Variants in DEPDC1B observed in about 807,000 individuals in gnomAD.
The protein encoded by DEPDC1B is DEP domain-containing protein 1B.
Under a neutral mutation model 66.5 loss-of-function variants are expected in DEPDC1B, and 51 were observed. The ratio of observed to expected loss-of-function variants is 0.77; its 90% CI spans 0.61 to 0.97. DEPDC1B has a LOEUF of 0.97. DEPDC1B is among the 50% of genes least tolerant of loss of function. The pLI is 0.00. For synonymous variants in DEPDC1B, 226 were observed against 223.6 expected (o/e 1.01, Z -0.10); for missense variants, 552 against 637.1 (o/e 0.87, Z 1.44).
intron 3 of DEPDC1B, among the ~76,000 whole-genome samples, chr5:60,646,394 CAA>C (rs1412437822): frequency 1.3e-5 from 2 of 151,992 alleles, no homozygotes; most frequent in African/African-American, 4.8e-5. Context: ...GAGGAAGAGA[CAA>C]AGAGGAAGAA....
intron 2 of DEPDC1B, among the ~76,000 whole-genome samples, chr5:60,668,063 A>T (rs933789150): frequency 1.9e-4 from 19 of 102,080 alleles, no homozygotes; most frequent in Admixed American, 3.1e-4. Context: ...TGGATATTTT[A>T]TATATATATA....
At chr5:60,639,668 T>C (rs1416978664) in intron 6 of DEPDC1B, among the ~76,000 whole-genome samples, 1 of 152,208 alleles carries the variant, frequency 6.6e-6, no homozygotes, top group Non-Finnish European at 1.5e-5. Context: ...AAATGTTCTC[T>C]ACAGAGTTGG....
intron 2 of DEPDC1B, among the ~76,000 whole-genome samples, chr5:60,676,460 T>C (rs1754162923): frequency 6.6e-6 from 1 of 152,132 alleles, no homozygotes; most frequent in South Asian, 2.1e-4. Context: ...CGCATGGCAC[T>C]ATGCCTCGCT....
intron 2 of DEPDC1B, among the ~76,000 whole-genome samples, chr5:60,670,868 C>A (rs1431914481): frequency 6.6e-6 from 1 of 152,148 alleles, no homozygotes; most frequent in African/African-American, 2.4e-5. Flanking sequence ...GGCCAGGGAG[C>A]AGCAGGTGAG....
At chr5:60,619,984 C>T (rs1488013165) in intron 7 of DEPDC1B, among the ~76,000 whole-genome samples, 2 of 152,060 alleles carry the variant, frequency 1.3e-5, no homozygotes, top group Non-Finnish European at 1.5e-5. Context: ...GAAATAATGC[C>T]ACATATCTAC....
intron 7 of DEPDC1B, among the ~76,000 whole-genome samples, chr5:60,615,751 C>T (rs929079617): frequency 4.6e-5 from 7 of 152,232 alleles, no homozygotes; most frequent in African/African-American, 1.4e-4. Context: ...GCAATAACCT[C>T]TGCAGACTTA....
chr5:60,635,987 C>T (rs1396630505), intron 7 of DEPDC1B, among the ~76,000 whole-genome samples: 1 of 152,138 alleles, frequency 6.6e-6, no homozygotes, highest in Non-Finnish European at 1.5e-5. Context: ...ACAGTCTACC[C>T]TGCTCCTGTA....
chr5:60,699,443 GAAAAAAA>G (rs528758437), intron 1 of DEPDC1B, among the ~76,000 whole-genome samples: 4 of 89,380 alleles, frequency 4.5e-5, no homozygotes, highest in Non-Finnish European at 7.9e-5. Context: ...TTTTCTCCCA[GAAAAAAA>G]AAAAAAAAAA....
chr5:60,612,528 CAAAAAAAAAAAAA>C (rs35196065), intron 7 of DEPDC1B, among the ~76,000 whole-genome samples: 1 of 90,236 alleles, frequency 1.1e-5, no homozygotes, highest in African/African-American at 4.7e-5. Context: ...GAGATCTGCT[CAAAAAAAAAAAAA>C]AAAAAAAGAA....
chr5:60,699,651 A>T (rs1226636497), intron 1 of DEPDC1B, among the ~76,000 whole-genome samples: 1 of 152,082 alleles, frequency 6.6e-6, no homozygotes, highest in Non-Finnish European at 1.5e-5. Flanking sequence ...GGAAGGAGAC[A>T]CGCCCTGCCT....
intron 1 of DEPDC1B, 52 bp downstream of exon 1, chr5:60,699,994 T>G: frequency 6.5e-7 from 1 of 1,542,654 alleles, no homozygotes; most frequent in Non-Finnish European, 8.7e-7. Context: ...GCGCGCTGAG[T>G]GGGGGCTCGC....
intron 7 of DEPDC1B, among the ~76,000 whole-genome samples, chr5:60,617,208 G>C (rs926799638): frequency 6.6e-6 from 1 of 152,138 alleles, no homozygotes; most frequent in Non-Finnish European, 1.5e-5. Flanking sequence ...GACCATCGAG[G>C]CTAGGAAGAA....
In DEPDC1B at chr5:60,603,418, C is replaced by T; in HGVS notation, c.1215G>A (p.Glu405=). 6.3e-7 allele frequency: 1 copy of T among 1,594,016 alleles called. No individual in the cohort carries two copies. The highest frequency in any genetic ancestry group is 8.5e-7 in the Non-Finnish European group (1 of 1,173,892). ...GGACTCTTCGTAGATGAGCCACACG[C>T]TCCTCTATAGAGGTCTGCAAGGCCA... is the stretch of plus-strand genomic sequence containing the variant. The part of the protein sequence containing the change: ...VPLALQTSIE[E]RVAHLRRVQI... The change falls in exon 9 of 11, where the codon GAG becomes GAA. Residue 405 remains glutamate (E), a synonymous_variant. Coordinates refer to ENST00000265036, the MANE Select transcript of DEPDC1B (RefSeq NM_018369.3).
At chr5:60,637,950 G>A (rs899974926) in intron 7 of DEPDC1B, among the ~76,000 whole-genome samples, 1 of 152,186 alleles carries the variant, frequency 6.6e-6, no homozygotes, top group Admixed American at 6.5e-5. Flanking sequence ...GAAGGAGGAG[G>A]AGGAAGAGTA....
At position 60,645,633 on chromosome 5, in the gene DEPDC1B, G is replaced by T. The variant is rs1468092715; in HGVS notation, c.451-14C>A. 7.5e-6 allele frequency: 12 copies of T among 1,598,062 alleles called. No individual in the cohort carries two copies. In the South Asian group the frequency reaches 1.0e-4, roughly 14 times the overall value. On this transcript the variant is annotated splice_polypyrimidine_tract_variant and intron_variant, in intron 3 of 10. Transcript: ENST00000265036. ...CATCTCAGAATTCTAATGGAGGGGGGATGTAAGAAGGGAGGGAAGGAGAAA... is the reference window on the plus strand; with the variant it reads ...CATCTCAGAATTCTAATGGAGGGGGTATGTAAGAAGGGAGGGAAGGAGAAA...
At chr5:60,655,919 T>G (rs1047508595) in intron 2 of DEPDC1B, among the ~76,000 whole-genome samples, 1 of 149,058 alleles carries the variant, frequency 6.7e-6, no homozygotes, top group Non-Finnish European at 1.5e-5. Context: ...TGTCTTTGCA[T>G]GGCTTTGAGG....
At chr5:60,632,939 A>G (rs185097949) in intron 7 of DEPDC1B, among the ~76,000 whole-genome samples, 54 of 152,366 alleles carry the variant, frequency 3.5e-4, no homozygotes, top group African/African-American at 1.3e-3. Flanking sequence ...CGCCAGCAGA[A>G]TAAGCCACAG....
At chr5:60,619,517 C>G (rs556814669) in intron 7 of DEPDC1B, among the ~76,000 whole-genome samples, 2 of 152,304 alleles carry the variant, frequency 1.3e-5, no homozygotes, top group African/African-American at 4.8e-5. Flanking sequence ...AGAGCCAAAT[C>G]ACGAGTGAAC....
intron 7 of DEPDC1B, among the ~76,000 whole-genome samples, chr5:60,618,457 T>C (rs1296523179): frequency 6.6e-6 from 1 of 152,022 alleles, no homozygotes; most frequent in Non-Finnish European, 1.5e-5. Flanking sequence ...AAAGGGGATA[T>C]CACCACCTAT....
Sources: gnomAD v4.1 joint callset for allele counts (sites outside exome capture counted in the v4.1 genomes callset) on GRCh38, gnomAD v4.1.1 for gene constraint, MANE v1.5 for transcripts, NCBI Gene and HGNC (gene_info 2026-07-23, HGNC 2026-07-21) for gene names.